Variants in SPICE1 observed in about 807,000 individuals in gnomAD.
SPICE1 encodes the protein spindle and centriole-associated protein 1.
A neutral mutation model predicts 102.7 loss-of-function variants in SPICE1; 75 were observed. The ratio of observed to expected loss-of-function variants is 0.73; its 90% CI spans 0.61 to 0.88. The LOEUF (loss-of-function observed/expected upper bound fraction) is 0.88. SPICE1 is among the 40% of genes least tolerant of loss of function. The pLI is 0.00. For missense variants in SPICE1, 979 were observed against 1,020.1 expected (o/e 0.96, Z 0.55); for synonymous variants, 308 against 350.3 (o/e 0.88, Z 1.35).
At chr3:113,472,457 A>G (rs1046084748) in intron 7 of SPICE1, among the ~76,000 whole-genome samples, 2 of 152,222 alleles carry the variant, frequency 1.3e-5, no homozygotes, top group African/African-American at 4.8e-5. Flanking sequence ...GCAGCTGGAG[A>G]TCTGAGAACG....
At chr3:113,460,590 A>C in intron 12 of SPICE1, 27 bp downstream of exon 12, 1 of 1,579,924 alleles carries the variant, frequency 6.3e-7, no homozygotes, top group Non-Finnish European at 8.6e-7. Flanking sequence ...GTCTAATGAC[A>C]GTCTGAGAGA....
At position 113,499,576 on chromosome 3, in the gene SPICE1, G is replaced by A. The variant is rs763289071; in HGVS notation, c.154C>T (p.Arg52Cys). The A allele has an allele frequency of 1.7e-5, 28 of 1,608,142 alleles. 1 individual carries two copies. Among genetic ancestry groups the A allele is most frequent in the South Asian group, 1.4e-4 (13 of 90,122 alleles). ...HRATPEDLVR[R>C]HEIHKSKNRA... ...TTCTTCGATTTGTGTATTTCATGACGGCGTACCTATACAGAAGAGAAAAGT... is the reference window on the plus strand; with the variant it reads ...TTCTTCGATTTGTGTATTTCATGACAGCGTACCTATACAGAAGAGAAAAGT... The change falls in exon 4 of 18, where the codon CGT becomes TGT. Residue 52 changes from arginine (R) to cysteine (C), a missense_variant. Physicochemically the swap from Arg to Cys is radical, Grantham distance 180. Coordinates refer to ENST00000295872, the MANE Select transcript of SPICE1 (RefSeq NM_144718.4).
At chr3:113,457,503 TA>T (rs1935805957) in intron 12 of SPICE1, 146 bp from the exon 13 acceptor site, 3 of 755,650 alleles carry the variant, frequency 4.0e-6, no homozygotes, top group Non-Finnish European at 6.3e-6. Context: ...TTCTAGGCTG[TA>T]TCCTCCTCTG....
intron 11 of SPICE1, among the ~76,000 whole-genome samples, chr3:113,464,611 C>T (rs1046980116): frequency 6.6e-6 from 1 of 152,096 alleles, no homozygotes; most frequent in African/African-American, 2.4e-5. Flanking sequence ...TTAACACAAA[C>T]ATAATTTATC....
Position 113,459,372 on chromosome 3 carries a change from T to C in SPICE1, c.1435+1245A>G, listed in dbSNP as rs537233054. On this transcript the variant is annotated intron_variant, in intron 12 of 17. Transcript: ENST00000295872. ...TCCCTCCACTATTGTCCTACGACCCTGCCAAATCCCCCTCTCCGAGAAACA... is the reference window on the plus strand; with the variant it reads ...TCCCTCCACTATTGTCCTACGACCCCGCCAAATCCCCCTCTCCGAGAAACA... 68 of 727,252 alleles carry C rather than the reference T, an allele frequency of 9.4e-5. No individual in the cohort carries two copies. The African/African-American group carries it at 1.3e-3, about 14-fold the overall frequency. The allele number at this position is 727,252 out of a possible 1,614,324, so 45.0% of individuals were successfully genotyped here. A position where few individuals can be genotyped will look rare whatever the true frequency, so the allele number is the denominator to read the frequency against.
chr3:113,488,910 T>C, intron 7 of SPICE1, 35 bp downstream of exon 7: 3 of 1,321,538 alleles, frequency 2.3e-6, no homozygotes, highest in Non-Finnish European at 3.2e-6. Context: ...GGAAAAAACC[T>C]GAGAGTTGTA....
At chr3:113,498,354 G>A (rs1936940591) in intron 4 of SPICE1, among the ~76,000 whole-genome samples, 1 of 152,136 alleles carries the variant, frequency 6.6e-6, no homozygotes, top group African/African-American at 2.4e-5. Context: ...TCTATAACTT[G>A]TATGAGAAAT....
At chr3:113,488,874 C>A in intron 7 of SPICE1, 71 bp downstream of exon 7, 3 of 818,234 alleles carry the variant, frequency 3.7e-6, no homozygotes, top group East Asian at 2.6e-5. Context: ...AAAAATGATG[C>A]AATAGGCAAA....
intron 9 of SPICE1, 104 bp from the exon 10 acceptor site, chr3:113,468,508 GT>G: frequency 7.6e-7 from 1 of 1,315,106 alleles, no homozygotes; most frequent in South Asian, 1.4e-5. Flanking sequence ...TAAAAGGCTT[GT>G]ATAGACGATA....
Position 113,469,196 on chromosome 3 carries a change from A to T in SPICE1, c.654T>A (p.Ser218Arg). ...TCTGCTGAATGTCAGTCCACAACTT[A>T]CTAATTAACTCAAAATTCTCTTCTG... ...QLTEENFELISKLWTDIQQKI... is the reference protein window; with the variant it reads ...QLTEENFELIRKLWTDIQQKI... Residue 218 changes from serine to arginine, a missense_variant, in exon 8 of 18, where the codon AGT (serine) becomes AGA (arginine). Physicochemically the swap from Ser to Arg is moderately radical, Grantham distance 110. Coordinates refer to ENST00000295872, the MANE Select transcript of SPICE1 (RefSeq NM_144718.4). 1 of 1,597,560 alleles carries T rather than the reference A, an allele frequency of 6.3e-7. No homozygotes were observed. The highest frequency in any genetic ancestry group is 8.5e-7 in the Non-Finnish European group (1 of 1,171,270).
Position 113,468,367 on chromosome 3 carries a change from C to T in SPICE1, c.927G>A (p.Pro309=), listed in dbSNP as rs201098702. 11 of 1,614,068 alleles carry T rather than the reference C, an allele frequency of 6.8e-6. No homozygotes were observed. Among genetic ancestry groups the T allele is most frequent in the African/African-American group, 2.7e-5 (2 of 75,038 alleles). ...RKPNLHALSK[P]KKNISSGSTT... is the part of the protein sequence containing the mutation. ...TGCTACCTGATGATATGTTTTTCTT[C>T]GGCTTGGAAAGAGCATGCAAATTCG... The change falls in exon 10 of 18, where the codon CCG becomes CCA. Residue 309 remains proline, a synonymous_variant. Transcript: ENST00000295872.
intron 4 of SPICE1, among the ~76,000 whole-genome samples, chr3:113,498,408 A>G (rs912337349): frequency 2.6e-5 from 4 of 152,210 alleles, no homozygotes; most frequent in African/African-American, 9.7e-5. Context: ...AAATAAGCCC[A>G]GAGTCTGATG....
Position 113,491,646 on chromosome 3 carries a change from A to AAAAAAAAAAAAAAAAT in SPICE1, c.492+1559_492+1560insATTTTTTTTTTTTTTT, listed in dbSNP as rs1559972346. Among the ~76,000 whole-genome samples the AAAAAAAAAAAAAAAAT allele has an allele frequency of 2.0e-5, 3 of 150,280 alleles. 1 individual carries two copies. The highest frequency in any genetic ancestry group is 7.4e-5 in the African/African-American group (3 of 40,290). ...TCTCAAAAAAAAAAAAAAAAAAAAA[A>AAAAAAAAAAAAAAAAT]AAAGATTATCTATAGCAACACCAAT... On this transcript the variant is annotated intron_variant, in intron 6 of 17. Transcript: ENST00000295872.
rs1404489196 is a variant in SPICE1, at chr3:113,444,048, A to G, written c.*1259T>C. ...CTTTCTGGGGCATACTGGAGAAGTC[A>G]TATGTTATCAAAATATATGAGTCTA... On this transcript the variant is annotated 3_prime_UTR_variant, in exon 18 of 18. Coordinates refer to ENST00000295872, the MANE Select transcript of SPICE1 (RefSeq NM_144718.4). 1 of 152,238 alleles carries G rather than the reference A, an allele frequency of 6.6e-6. No individual in the cohort carries two copies. Among genetic ancestry groups the G allele is most frequent in the Non-Finnish European group, 1.5e-5 (1 of 68,050 alleles). 9.4% of individuals were successfully genotyped at this position (152,238 alleles called of 1,614,324 possible). A position where few individuals can be genotyped will look rare whatever the true frequency, so the allele number is the denominator to read the frequency against.
At chr3:113,480,765 C>T (rs1576636875) in intron 7 of SPICE1, among the ~76,000 whole-genome samples, 1 of 151,702 alleles carries the variant, frequency 6.6e-6, no homozygotes, top group Non-Finnish European at 1.5e-5. Context: ...CCTGTAGTCC[C>T]GGCTACTAGA....
In SPICE1 at chr3:113,469,000, GGCAGTCAAAACTCAAA is replaced by G. The variant is rs1275843054; in HGVS notation, c.751+83_751+98del. ...TCAGTATTTTAGTCAATTAGGCAAAGGCAGTCAAAACTCAAATAACATTCCTTCAAAAATTACTGCA... is the reference window on the plus strand; with the variant it reads ...TCAGTATTTTAGTCAATTAGGCAAAGTAACATTCCTTCAAAAATTACTGCA... On this transcript the variant is annotated intron_variant, in intron 8 of 17. Coordinates refer to ENST00000295872, the MANE Select transcript of SPICE1 (RefSeq NM_144718.4). 4.0e-5 allele frequency: 63 copies of G among 1,559,212 alleles called. No individual in the cohort carries two copies. In the African/African-American group the frequency reaches 7.7e-4, roughly 19 times the overall value.
intron 4 of SPICE1, among the ~76,000 whole-genome samples, chr3:113,495,759 C>A (rs779826586): frequency 6.6e-6 from 1 of 152,192 alleles, no homozygotes; most frequent in African/African-American, 2.4e-5. Flanking sequence ...TGAGTATAAT[C>A]TTTCACTATA....
At position 113,494,079 on chromosome 3, in the gene SPICE1, C is replaced by T. The variant is rs759208719; in HGVS notation, c.355G>A (p.Ala119Thr). 4 of 1,612,510 alleles carry T rather than the reference C, an allele frequency of 2.5e-6. No individual in the cohort carries two copies. The highest frequency in any genetic ancestry group is 3.4e-6 in the Non-Finnish European group (4 of 1,179,644). ...LEKSDHLIAA[A>T]KELFPRRRTG... is the part of the protein sequence containing the mutation. ...CGCCTACGAGGAAACAGCTCTTTTG[C>T]TGCAGCTATTAGATGATCAGATTTC... The change falls in exon 5 of 18, where the codon GCA (alanine) becomes ACA (threonine). Residue 119 changes from alanine (A) to threonine (T), a missense_variant. Physicochemically the swap from Ala to Thr is moderately conservative, Grantham distance 58. Transcript: ENST00000295872.
At chr3:113,508,053 A>C (rs1218585764) in intron 1 of SPICE1, among the ~76,000 whole-genome samples, 1 of 152,172 alleles carries the variant, frequency 6.6e-6, no homozygotes, top group Non-Finnish European at 1.5e-5. Flanking sequence ...TTTTCAACAG[A>C]TGGTGCTGGG....
Sources: allele counts gnomAD v4.1 joint callset (sites outside exome capture counted in the v4.1 genomes callset), GRCh38; gene constraint gnomAD v4.1.1; transcripts MANE v1.5; gene names NCBI Gene and HGNC (gene_info 2026-07-23, HGNC 2026-07-21).